The following KAT6B variants were observed in gnomAD, a reference collection of about 807,000 sequenced individuals.
KAT6B encodes the protein lysine acetyltransferase 6B.
KAT6B carries 10 observed loss-of-function variants against 187.5 expected under a neutral mutation model. The observed-to-expected ratio is 0.05, with a 90% CI of 0.03 to 0.09. KAT6B has a LOEUF of 0.09. KAT6B is among the 10% of genes least tolerant of loss of function. The probability of loss-of-function intolerance (pLI) is 1.00; values close to 1 mark genes in which losing one functional copy is unlikely to be tolerated. For missense variants in KAT6B, 1,952 were observed against 2,558.9 expected, an observed-to-expected ratio of 0.76 and a Z score of 5.12; for synonymous variants, 861 against 926.8, an observed-to-expected ratio of 0.93 and a Z score of 1.29.
At chr10:74,983,232 G>A (rs1842625012) in intron 11 of KAT6B, 2 of 152,380 alleles carry the variant, frequency 1.3e-5, no homozygotes, top group African/African-American at 4.8e-5. Context: ...TACAGCGTAG[G>A]ATGTTTAGCA....
chr10:74,893,532 C>T (rs147178217), intron 3 of KAT6B, among the ~76,000 whole-genome samples: 1 of 151,546 alleles, frequency 6.6e-6, no homozygotes, highest in African/African-American at 2.4e-5. Context: ...TGTGATGACG[C>T]AATCTCAGCT....
At chr10:74,852,176 T>C (rs1842522300) in intron 3 of KAT6B, among the ~76,000 whole-genome samples, 1 of 152,244 alleles carries the variant, frequency 6.6e-6, no homozygotes, top group African/African-American at 2.4e-5. Flanking sequence ...GTTGACCTTC[T>C]TAGTTTTCCT....
chr10:75,030,087 G>A lies in KAT6B; in HGVS notation c.5263G>A (p.Val1755Met). ...CAGCGTCAAGTCTCCTCAAGGCTGT[G>A]TGGTGGAGAGGCCTCCGAGCAGCAG... The part of the protein sequence containing the change: ...TCSVKSPQGC[V>M]VERPPSSSQQ... The change falls in exon 18 of 18, where the codon GTG becomes ATG. Residue 1755 changes from valine to methionine, a missense_variant. Val to Met is a conservative substitution (Grantham distance 21). Coordinates refer to ENST00000287239, the MANE Select transcript of KAT6B (RefSeq NM_012330.4). The surrounding 1 kb of genome is among the most constrained non-coding windows in gnomAD (Gnocchi z 4.8). 1 of 1,614,238 alleles carries A rather than the reference G, an allele frequency of 6.2e-7. No individual in the cohort carries two copies. The highest frequency in any genetic ancestry group is 8.5e-7 in the Non-Finnish European group (1 of 1,180,046).
At chr10:75,019,695 G>T (rs1845237350) in intron 13 of KAT6B, among the ~76,000 whole-genome samples, 1 of 151,744 alleles carries the variant, frequency 6.6e-6, no homozygotes, top group Admixed American at 6.6e-5. Flanking sequence ...CCCCATAAGT[G>T]GCTCTTAATT....
At chr10:74,983,814 A>T (rs548603461) in intron 11 of KAT6B, 1 of 152,242 alleles carries the variant, frequency 6.6e-6, no homozygotes, top group Non-Finnish European at 1.5e-5. Flanking sequence ...ATAAGTACCG[A>T]GGTCCCTATT....
intron 3 of KAT6B, among the ~76,000 whole-genome samples, chr10:74,937,156 C>T (rs1308467894): frequency 3.3e-5 from 5 of 152,186 alleles, no homozygotes; most frequent in Admixed American, 6.5e-5. Context: ...CTGCTCAGAT[C>T]GGGTTACTCC....
In KAT6B at chr10:75,030,988, G is replaced by T; in HGVS notation, c.6164G>T (p.Gly2055Val). 6.2e-7 allele frequency: 1 copy of T among 1,614,100 alleles called. No individual in the cohort carries two copies. Among genetic ancestry groups the T allele is most frequent in the Non-Finnish European group, 8.5e-7 (1 of 1,180,026 alleles). Residue 2055 changes from glycine to valine, a missense_variant, in exon 18 of 18, where the codon GGC becomes GTC. Gly to Val is a moderately radical substitution (Grantham distance 109, BLOSUM62 -3). Transcript: ENST00000287239. This position sits in a 1 kb window ranked among gnomAD's most constrained non-coding sequence, Gnocchi z 4.8. The part of the protein sequence containing the change: ...NMMYTAPGHH[G>V]YMNTGMSKQS... ...ATGTACACGGCCCCCGGACATCACG[G>T]CTACATGAACACAGGCATGTCCAAA...
chr10:74,920,447 C>T (rs1189625181), intron 3 of KAT6B, among the ~76,000 whole-genome samples: 2 of 152,162 alleles, frequency 1.3e-5, no homozygotes, highest in Non-Finnish European at 2.9e-5. Flanking sequence ...CCTGTCCTCA[C>T]CAATTTTTGA....
Position 75,029,206 on chromosome 10 carries a change from A to C in KAT6B, c.4382A>C (p.Asp1461Ala), listed in dbSNP as rs1846120897. 6.2e-7 allele frequency: 1 copy of C among 1,614,118 alleles called. No homozygotes were observed. The highest frequency in any genetic ancestry group is 2.2e-5 in the East Asian group (1 of 44,880). Residue 1461 changes from aspartate (D) to alanine (A), a missense_variant, in exon 18 of 18, where the codon GAC (aspartate) becomes GCC (alanine). Physicochemically the swap from Asp to Ala is moderately radical, Grantham distance 126 (BLOSUM62 -2). This residue lies in a region of KAT6B where 758 missense variants were observed against 891.4 expected (regional missense o/e 0.85). Coordinates refer to ENST00000287239, the MANE Select transcript of KAT6B (RefSeq NM_012330.4). The surrounding 1 kb of genome is among the most constrained non-coding windows in gnomAD (Gnocchi z 6.2). ...CTGGAAAACCAGGAGACTTTTTTAGACCTTAATGTGCAGCCTGGTCACTCG... is the reference window on the plus strand; with the variant it reads ...CTGGAAAACCAGGAGACTTTTTTAGCCCTTAATGTGCAGCCTGGTCACTCG... ...EVLENQETFLDLNVQPGHSNP... is the reference protein window; with the variant it reads ...EVLENQETFLALNVQPGHSNP...
chr10:74,857,105 T>C (rs140972526), intron 3 of KAT6B, among the ~76,000 whole-genome samples: 4 of 152,326 alleles, frequency 2.6e-5, no homozygotes, highest in African/African-American at 9.6e-5. Flanking sequence ...GCAATGATAC[T>C]TTGAAAGCAT....
rs115248665 is a variant in KAT6B at position 74,966,752 on chromosome 10, C to T, written c.731-2908C>T. 4.0e-3 allele frequency among the ~76,000 whole-genome samples: 615 copies of T among 152,280 alleles called. 3 individuals are homozygous for T. The highest frequency in any genetic ancestry group is 0.014 in the African/African-American group (579 of 41,560). Reference sequence around the variant, plus strand: ...AGAATTTTAGAGGAAATTAGCTGGACGTGGTGGGGTGTGTCAGTAGTCCCA... The same window carrying T: ...AGAATTTTAGAGGAAATTAGCTGGATGTGGTGGGGTGTGTCAGTAGTCCCA... On this transcript the variant is annotated intron_variant, in intron 4 of 17. Transcript: ENST00000287239.
chr10:74,839,082 G>T (rs750154750), intron 2 of KAT6B, among the ~76,000 whole-genome samples: 1 of 151,780 alleles, frequency 6.6e-6, no homozygotes, highest in Non-Finnish European at 1.5e-5. Flanking sequence ...GAATCTGGGC[G>T]GTGGAGATTG....
intron 17 of KAT6B, chr10:75,026,144 T>TAAA (rs1264620487): frequency 1.2e-5 from 1 of 80,412 alleles, no homozygotes; most frequent in African/African-American, 4.8e-5. Flanking sequence ...AGACCCTTTC[T>TAAA]CAAAAAAAAA....
chr10:74,911,272 CTTTT>C (rs766011853), intron 3 of KAT6B, among the ~76,000 whole-genome samples: 4 of 137,656 alleles, frequency 2.9e-5, no homozygotes, highest in Non-Finnish European at 4.8e-5. Flanking sequence ...CTTTCTTTTT[CTTTT>C]TTTTTTTTTT....
At chr10:74,972,970 T>C (rs536949368) in intron 7 of KAT6B, among the ~76,000 whole-genome samples, 98 of 152,302 alleles carry the variant, frequency 6.4e-4, no homozygotes, top group African/African-American at 2.3e-3. Flanking sequence ...TATGTAAATA[T>C]TTTCATAGGA....
At chr10:74,930,862 C>T (rs1382562867) in intron 3 of KAT6B, among the ~76,000 whole-genome samples, 1 of 152,144 alleles carries the variant, frequency 6.6e-6, no homozygotes, top group Non-Finnish European at 1.5e-5. Flanking sequence ...GTAATTTCCC[C>T]CTCGACCTTT....
intron 3 of KAT6B, among the ~76,000 whole-genome samples, chr10:74,852,379 G>GAAAGAC (rs1449614424): frequency 6.6e-6 from 1 of 152,210 alleles, no homozygotes; most frequent in African/African-American, 2.4e-5. Flanking sequence ...ATTGTAATGT[G>GAAAGAC]AAAGACGAGG....
chr10:74,938,536 C>G (rs867121435), intron 3 of KAT6B, among the ~76,000 whole-genome samples: 11 of 152,086 alleles, frequency 7.2e-5, no homozygotes, highest in African/African-American at 2.7e-4. Context: ...TGATATTTTA[C>G]CTGTATAGAT....
chr10:74,920,829 T>C (rs2133053773), intron 3 of KAT6B, among the ~76,000 whole-genome samples: 1 of 152,304 alleles, frequency 6.6e-6, no homozygotes, highest in South Asian at 2.1e-4. Context: ...TGTCCATTTT[T>C]CTTTTCTTCT....
Sources: allele counts gnomAD v4.1 joint callset (sites outside exome capture counted in the v4.1 genomes callset), GRCh38; gene constraint gnomAD v4.1.1; regional missense constraint gnomAD v4.1.1; non-coding constraint Gnocchi (gnomAD v3.1); transcripts MANE v1.5; gene names NCBI Gene and HGNC (gene_info 2026-07-23, HGNC 2026-07-21).